NLRP4: variants seen among roughly 807,000 people sequenced by gnomAD.
NLRP4 encodes NACHT, LRR and PYD domains-containing protein 4.
In NLRP4, 44 loss-of-function variants were observed where a neutral mutation model predicts 84.7. The ratio of observed to expected loss-of-function variants is 0.52; its 90% confidence interval spans 0.41 to 0.67. The LOEUF (loss-of-function observed/expected upper bound fraction) is 0.67, where lower values mean the gene tolerates loss of function less well. NLRP4 is among the 30% of genes least tolerant of loss of function. NLRP4 has a pLI of 0.00. For missense variants in NLRP4, 1,260 were observed against 1,219.4 expected (o/e 1.03, Z -0.50); for synonymous variants, 544 against 476.4 (o/e 1.14, Z -1.85).
intron 1 of NLRP4, among the ~76,000 whole-genome samples, chr19:55,845,162 G>A (rs1053252268): frequency 1.3e-4 from 18 of 143,570 alleles, no homozygotes; most frequent in African/African-American, 4.1e-4. Context: ...ATCTCCTAAT[G>A]CTATCCCTCC....
In NLRP4 at chr19:55,852,121, A is replaced by G; in HGVS notation, c.41A>G (p.Tyr14Cys). ...SFFSDFGLMW[Y>C]LEELKKEEFR... ...TTCTCTGATTTTGGTCTTATGTGGT[A>G]TCTGGAGGAGCTCAAAAAGGAGGAG... Residue 14 changes from tyrosine (Y) to cysteine (C), a missense_variant, in exon 2 of 10, where the codon TAT becomes TGT. This residue lies in a region of NLRP4 where 712 missense variants were observed against 669.2 expected (regional missense o/e 1.06). Coordinates refer to ENST00000301295, the MANE Select transcript of NLRP4 (RefSeq NM_134444.5). 1.2e-6 allele frequency: 2 copies of G among 1,607,342 alleles called. No homozygotes were observed. The highest frequency in any genetic ancestry group is 1.7e-6 in the Non-Finnish European group (2 of 1,177,984).
At chr19:55,856,822 A>AT (rs1324835583) in intron 2 of NLRP4, among the ~76,000 whole-genome samples, 4 of 152,006 alleles carry the variant, frequency 2.6e-5, no homozygotes, top group African/African-American at 7.3e-5. Flanking sequence ...CTGTTGTTGG[A>AT]TTTTTTGATT....
At chr19:55,866,554 C>G (rs1432474751) in intron 5 of NLRP4, among the ~76,000 whole-genome samples, 1 of 152,156 alleles carries the variant, frequency 6.6e-6, no homozygotes, top group Non-Finnish European at 1.5e-5. Context: ...GAAAACCACA[C>G]AGTTAAACCA....
At chr19:55,853,613 T>C (rs1984256703) in intron 2 of NLRP4, among the ~76,000 whole-genome samples, 1 of 152,208 alleles carries the variant, frequency 6.6e-6, no homozygotes, top group South Asian at 2.1e-4. Flanking sequence ...TCTCACTATA[T>C]TGCCCAGGCT....
At chr19:55,871,353 T>G (rs1256219217) in intron 7 of NLRP4, among the ~76,000 whole-genome samples, 1 of 152,088 alleles carries the variant, frequency 6.6e-6, no homozygotes, top group African/African-American at 2.4e-5. Context: ...AAGCCAAAAT[T>G]CCAGGTAGAA....
chr19:55,874,780 A>C (rs1342998715), intron 7 of NLRP4, among the ~76,000 whole-genome samples: 1 of 152,144 alleles, frequency 6.6e-6, no homozygotes, highest in African/African-American at 2.4e-5. Flanking sequence ...AACCAATAAG[A>C]ATTTTATTGG....
At chr19:55,861,880 G>C in intron 4 of NLRP4, 112 bp from the exon 5 acceptor site, 1 of 799,464 alleles carries the variant, frequency 1.3e-6, no homozygotes, top group Non-Finnish European at 2.1e-6. Context: ...CTGTGTCATT[G>C]GGCTGTGAAA....
intron 6 of NLRP4, among the ~76,000 whole-genome samples, chr19:55,868,371 G>C (rs905185005): frequency 6.6e-6 from 1 of 152,078 alleles, no homozygotes; most frequent in Non-Finnish European, 1.5e-5. Flanking sequence ...TTTAGGGTAC[G>C]TAAAACACAG....
rs1414602785 is a variant in NLRP4 at position 55,852,110 on chromosome 19, T to C, written c.30T>C (p.Gly10=). 8 of 1,599,402 alleles carry C rather than the reference T, an allele frequency of 5.0e-6. No individual in the cohort carries two copies. The highest frequency in any genetic ancestry group is 6.8e-6 in the Non-Finnish European group (8 of 1,176,170). The change falls in exon 2 of 10, where the codon GGT becomes GGC. Residue 10 remains glycine (G), a synonymous_variant. Transcript: ENST00000301295. ...CAGCCTCTTTCTTCTCTGATTTTGG[T>C]CTTATGTGGTATCTGGAGGAGCTCA... MAASFFSDF[G]LMWYLEELKK... is the part of the protein sequence containing the mutation.
intron 3 of NLRP4, among the ~76,000 whole-genome samples, chr19:55,859,937 A>AAAC (rs1357888828): frequency 1.2e-4 from 15 of 129,496 alleles, no homozygotes; most frequent in African/African-American, 4.6e-4. Context: ...AAAAAAAAAA[A>AAAC]AAAAAAAAAA....
chr19:55,843,959 A>G (rs547802444), intron 1 of NLRP4, among the ~76,000 whole-genome samples: 113 of 152,112 alleles, frequency 7.4e-4, no homozygotes, highest in African/African-American at 2.6e-3. Flanking sequence ...ACTTCTCTTT[A>G]CGTGTCTTCT....
rs760211686 is a variant in NLRP4, at chr19:55,852,129, G to A, written c.49G>A (p.Glu17Lys). The change falls in exon 2 of 10, where the codon GAG becomes AAG. Residue 17 changes from glutamate (E) to lysine (K), a missense_variant. Glu to Lys is a moderately conservative substitution (Grantham distance 56, BLOSUM62 1). Around this residue, in one of 3 missense-constraint regions of NLRP4, gnomAD observed 712 missense variants for 669.2 expected, o/e 1.06. Transcript: ENST00000301295. ...SDFGLMWYLE[E>K]LKKEEFRKFK... ...TTTTGGTCTTATGTGGTATCTGGAG[G>A]AGCTCAAAAAGGAGGAGTTCAGGAA... 1 of 1,607,064 alleles carries A rather than the reference G, an allele frequency of 6.2e-7. No homozygotes were observed. Among genetic ancestry groups the A allele is most frequent in the East Asian group, 2.2e-5 (1 of 44,750 alleles).
At chr19:55,875,543 A>C (rs924675564) in intron 7 of NLRP4, among the ~76,000 whole-genome samples, 44 of 152,340 alleles carry the variant, frequency 2.9e-4, no homozygotes, top group African/African-American at 1.0e-3. Context: ...GGTATAAAAC[A>C]ATGTTATATT....
Position 55,876,987 on chromosome 19 carries a change from C to T in NLRP4, c.2526-9C>T, listed in dbSNP as rs766720169. ...AGCCTTTAAGCATGGTACCCTTACT[C>T]CTTTGCAGTTTGGTAAAATGTTTTA... On this transcript the variant is annotated splice_polypyrimidine_tract_variant and intron_variant, in intron 7 of 9. Transcript: ENST00000301295. The T allele has an allele frequency of 3.0e-5, 49 of 1,611,612 alleles. No individual in the cohort carries two copies. In the East Asian group the frequency reaches 1.0e-3, roughly 33 times the overall value.
At chr19:55,876,871 G>T in intron 7 of NLRP4, 125 bp from the exon 8 acceptor site, 1 of 666,650 alleles carries the variant, frequency 1.5e-6, no homozygotes, top group African/African-American at 1.8e-5. Flanking sequence ...TGAATCTGTG[G>T]ATATGGAGGA....
intron 2 of NLRP4, among the ~76,000 whole-genome samples, chr19:55,857,076 C>T (rs532066527): frequency 8.5e-5 from 13 of 152,254 alleles, no homozygotes; most frequent in African/African-American, 3.1e-4. Flanking sequence ...TGTTGCTTAT[C>T]CATATGAAGA....
chr19:55,839,479 T>TTA (rs1708334068), intron 1 of NLRP4, among the ~76,000 whole-genome samples: 3 of 135,522 alleles, frequency 2.2e-5, no homozygotes, highest in Non-Finnish European at 4.9e-5. Context: ...GGGGAAGAGT[T>TTA]AAAAAAAAAA....
At chr19:55,874,199 T>C (rs2123063880) in intron 7 of NLRP4, among the ~76,000 whole-genome samples, 1 of 152,344 alleles carries the variant, frequency 6.6e-6, no homozygotes, top group South Asian at 2.1e-4. Flanking sequence ...GAAAGTAATT[T>C]TATAAGTAAA....
At chr19:55,852,577 A>G (rs1984211330) in intron 2 of NLRP4, among the ~76,000 whole-genome samples, 2 of 151,418 alleles carry the variant, frequency 1.3e-5, no homozygotes, top group East Asian at 1.9e-4. Context: ...CCCAGGTTCA[A>G]GTGATTCTCC....
Sources: allele counts gnomAD v4.1 joint callset (sites outside exome capture counted in the v4.1 genomes callset), GRCh38; gene constraint gnomAD v4.1.1; regional missense constraint gnomAD v4.1.1; transcripts MANE v1.5; gene names NCBI Gene and HGNC (gene_info 2026-07-23, HGNC 2026-07-21).